Variants in PTAR1 observed in about 807,000 individuals in gnomAD.
The protein encoded by PTAR1 is protein prenyltransferase alpha subunit repeat-containing protein 1.
Under a neutral mutation model 45.5 loss-of-function variants are expected in PTAR1, and 17 were observed. The observed-to-expected ratio is 0.37, with a 90% confidence interval of 0.26 to 0.56. The LOEUF (loss-of-function observed/expected upper bound fraction) is 0.56. Ranked by LOEUF, PTAR1 falls within the 20% of genes least tolerant of loss-of-function variation. The pLI, the probability that PTAR1 is intolerant of heterozygous loss-of-function variation, is 0.77. For synonymous variants in PTAR1, 169 were observed against 171.3 expected (o/e 0.99, Z 0.11); for missense variants, 391 against 476.3 (o/e 0.82, Z 1.67).
intron 1 of PTAR1, chr9:69,758,029 T>C (rs1366780192): frequency 6.6e-6 from 1 of 152,190 alleles, no homozygotes; most frequent in Non-Finnish European, 1.5e-5. Flanking sequence ...AAGTTTTAAA[T>C]CTCGAATGAC....
In PTAR1 at chr9:69,713,977, T is replaced by C. The variant is rs1400528387; in HGVS notation, c.*4365A>G. The C allele has an allele frequency of 6.6e-6, 1 of 152,128 alleles. No homozygotes were observed. The highest frequency in any genetic ancestry group is 2.4e-5 in the African/African-American group (1 of 41,448). 9.4% of individuals were successfully genotyped at this position (152,128 alleles called of 1,614,324 possible). On this transcript the variant is annotated 3_prime_UTR_variant, in exon 8 of 8. Coordinates refer to ENST00000340434, the MANE Select transcript of PTAR1 (RefSeq NM_001099666.2). ...CTGTTTTCTTAAACATTAAATATAA[T>C]CTTGCTCCCAAAAAAGTAAGAAAGG... is the stretch of plus-strand genomic sequence containing the variant.
chr9:69,759,935 C>G lies in PTAR1; in HGVS notation c.4G>C (p.Ala2Pro). 6.6e-7 allele frequency: 1 copy of G among 1,505,190 alleles called. No individual in the cohort carries two copies. Among genetic ancestry groups the G allele is most frequent in the Non-Finnish European group, 8.9e-7 (1 of 1,126,444 alleles). 93.2% of individuals were successfully genotyped at this position (1,505,190 alleles called of 1,614,324 possible). A position where few individuals can be genotyped will look rare whatever the true frequency, so the allele number is the denominator to read the frequency against. MAETSEEVAVLV... is the reference protein window; with the variant it reads MPETSEEVAVLV... The stretch of plus-strand genomic sequence containing the variant: ...ACCGCCACCTCCTCGCTGGTCTCGG[C>G]CATGTTGGCGGCGGCCGCGACAGTT... The change falls in exon 1 of 8, where the codon GCC (alanine) becomes CCC (proline). Residue 2 changes from alanine to proline, a missense_variant. By Grantham distance (27) the Ala-to-Pro change is conservative. This residue lies in a region of PTAR1 where 152 missense variants were observed against 160.0 expected (regional missense o/e 0.95). Transcript: ENST00000340434.
intron 1 of PTAR1, chr9:69,758,333 A>G (rs1240862671): frequency 6.6e-6 from 1 of 152,224 alleles, no homozygotes; most frequent in Non-Finnish European, 1.5e-5. Flanking sequence ...TTTCTTCTAG[A>G]AAAATACCAG....
At chr9:69,750,650 C>T (rs1242472858) in intron 2 of PTAR1, 131 bp downstream of exon 2, 2 of 652,808 alleles carry the variant, frequency 3.1e-6, no homozygotes, top group East Asian at 2.8e-5. Context: ...GAAAGGTTAG[C>T]ACCCACCGAG....
At chr9:69,744,007 G>GT (rs959760535) in intron 2 of PTAR1, among the ~76,000 whole-genome samples, 1 of 152,136 alleles carries the variant, frequency 6.6e-6, no homozygotes, top group African/African-American at 2.4e-5. Flanking sequence ...ACTGGAAAAA[G>GT]TATGAGCAAA....
At chr9:69,743,098 TTAGCA>T (rs1177969467) in intron 2 of PTAR1, among the ~76,000 whole-genome samples, 1 of 152,180 alleles carries the variant, frequency 6.6e-6, no homozygotes, top group African/African-American at 2.4e-5. Flanking sequence ...TACCATTTAT[TTAGCA>T]TTACTGTGTA....
At chr9:69,752,515 ATCCTT>A (rs1372156755) in intron 1 of PTAR1, among the ~76,000 whole-genome samples, 1 of 152,080 alleles carries the variant, frequency 6.6e-6, no homozygotes, top group Non-Finnish European at 1.5e-5. Context: ...ATGGGTTTTT[ATCCTT>A]ACAATTGGTT....
In PTAR1 at chr9:69,734,207, T is replaced by C. The variant is rs1210809696; in HGVS notation, c.371A>G (p.His124Arg). 3 of 1,571,642 alleles carry C rather than the reference T, an allele frequency of 1.9e-6. No individual in the cohort carries two copies. The highest frequency in any genetic ancestry group is 1.8e-5 in the Admixed American group (1 of 55,606). The part of the protein sequence containing the change: ...SGTLNPIKDL[H>R]LGKLALTKFP... ...CTTGGTTAAGGCGAGTTTTCCCAGA[T>C]GTAAATCCTTAATTGGATTTAAAGT... is the stretch of plus-strand genomic sequence containing the variant. Residue 124 changes from histidine (H) to arginine (R), a missense_variant, in exon 4 of 8, where the codon CAT (histidine) becomes CGT (arginine). Physicochemically the swap from His to Arg is conservative, Grantham distance 29. This residue lies in a region of PTAR1 where 152 missense variants were observed against 160.0 expected (regional missense o/e 0.95). Coordinates refer to ENST00000340434, the MANE Select transcript of PTAR1 (RefSeq NM_001099666.2).
At chr9:69,741,740 G>T in intron 3 of PTAR1, 52 bp downstream of exon 3, 2 of 1,225,288 alleles carry the variant, frequency 1.6e-6, no homozygotes, top group Non-Finnish European at 2.4e-6. Flanking sequence ...GGGCTTACAT[G>T]TCTTCAGAAA....
rs537663941 is a variant in PTAR1, at chr9:69,721,286, T to C, written c.947+2040A>G. 3.3e-5 allele frequency among the ~76,000 whole-genome samples: 5 copies of C among 152,218 alleles called. No individual in the cohort carries two copies. In the South Asian group the frequency reaches 1.0e-3, roughly 32 times the overall value. ...GTGTAGTAAGTCACGGCAAATGTGG[T>C]GGAAATTGCAAGACAACTAGAATTG... On this transcript the variant is annotated intron_variant, in intron 6 of 7. Coordinates refer to ENST00000340434, the MANE Select transcript of PTAR1 (RefSeq NM_001099666.2).
chr9:69,731,909 C>G (rs1825555597), intron 5 of PTAR1: 1 of 539,942 alleles, frequency 1.9e-6, no homozygotes. Context: ...TTAAACCTGC[C>G]TTGCTTTACC....
intron 3 of PTAR1, among the ~76,000 whole-genome samples, chr9:69,734,480 T>C (rs1477322680): frequency 6.6e-6 from 1 of 152,044 alleles, no homozygotes; most frequent in East Asian, 1.9e-4. Context: ...TATAACAAAC[T>C]AATAAGCAGA....
intron 5 of PTAR1, among the ~76,000 whole-genome samples, chr9:69,729,461 C>T (rs935733606): frequency 6.6e-6 from 1 of 152,112 alleles, no homozygotes; most frequent in African/African-American, 2.4e-5. Context: ...TAACAATTCC[C>T]TCATTATTGA....
rs1824675641 is a variant in PTAR1 at position 69,715,069 on chromosome 9, AGT to A, written c.*3271_*3272del. 6.6e-6 allele frequency: 1 copy of A among 152,074 alleles called. No individual in the cohort carries two copies. The highest frequency in any genetic ancestry group is 1.5e-5 in the Non-Finnish European group (1 of 67,968). 9.4% of individuals were successfully genotyped at this position (152,074 alleles called of 1,614,324 possible). On this transcript the variant is annotated 3_prime_UTR_variant, in exon 8 of 8. Transcript: ENST00000340434. ...CCTCTAGTATCACAAATGAACAGAA[AGT>A]GGTGTTCTTAATGCAAGTGGGTTCT...
chr9:69,734,258 T>TAAAAAAAAA lies in PTAR1; in HGVS notation c.324-13_324-5dup, dbSNP rs398010830. The TAAAAAAAAA allele has an allele frequency of 4.3e-5, 9 of 207,688 alleles. No homozygotes were observed. The highest frequency in any genetic ancestry group is 9.1e-5 in the South Asian group (1 of 10,974). The allele number at this position is 207,688 out of a possible 1,614,324, so 12.9% of individuals were successfully genotyped here. A position where few individuals can be genotyped will look rare whatever the true frequency, so the allele number is the denominator to read the frequency against. The stretch of plus-strand genomic sequence containing the variant: ...GCCAGAGAGGATCAGCTCTTTCCTG[T>TAAAAAAAAA]AAAAAAAAAAAAAAAAAAAAAAAAA... On this transcript the variant is annotated splice_polypyrimidine_tract_variant and splice_region_variant and intron_variant, in intron 3 of 7. Transcript: ENST00000340434.
At chr9:69,750,118 A>AAAAGC (rs1306575161) in intron 2 of PTAR1, among the ~76,000 whole-genome samples, 2 of 152,086 alleles carry the variant, frequency 1.3e-5, no homozygotes, top group Non-Finnish European at 2.9e-5. Flanking sequence ...ATGGAGGCTT[A>AAAAGC]ATATGGCAGA....
At chr9:69,754,994 C>T (rs1412647343) in intron 1 of PTAR1, among the ~76,000 whole-genome samples, 1 of 152,012 alleles carries the variant, frequency 6.6e-6, no homozygotes, top group Non-Finnish European at 1.5e-5. Context: ...TTAATGGTTG[C>T]AATGAATGTG....
At chr9:69,723,299 T>C (rs1825115715) in intron 6 of PTAR1, 27 bp downstream of exon 6, 2 of 1,591,806 alleles carry the variant, frequency 1.3e-6, no homozygotes, top group Non-Finnish European at 1.7e-6. Context: ...CAGTTTTGTG[T>C]AGGAAATAGA....
intron 6 of PTAR1, 43 bp from the exon 7 acceptor site, chr9:69,718,727 T>C (rs1471227312): frequency 7.0e-7 from 1 of 1,436,056 alleles, no homozygotes; most frequent in South Asian, 1.5e-5. Context: ...AAAATCACAT[T>C]ACAAAGTCAA....
Sources: allele counts gnomAD v4.1 joint callset (sites outside exome capture counted in the v4.1 genomes callset), GRCh38; gene constraint gnomAD v4.1.1; regional missense constraint gnomAD v4.1.1; transcripts MANE v1.5; gene names NCBI Gene and HGNC (gene_info 2026-07-23, HGNC 2026-07-21).